GPC5: variants seen among roughly 807,000 people sequenced by gnomAD.
GPC5 encodes glypican 5.
GPC5 carries 47 observed loss-of-function variants against 53.9 expected under a neutral mutation model. That is an observed-to-expected ratio of 0.87 (90% CI 0.69 to 1.11). The LOEUF (loss-of-function observed/expected upper bound fraction) is 1.11, where lower values mean the gene tolerates loss of function less well. GPC5 is among the 50% of genes most tolerant of loss of function. The pLI is 0.00. For synonymous variants in GPC5, 286 were observed against 263.3 expected, an observed-to-expected ratio of 1.09 and a Z score of -0.84; for missense variants, 748 against 713.1, an observed-to-expected ratio of 1.05 and a Z score of -0.56.
chr13:92,391,547 A>G (rs972520946), intron 7 of GPC5, among the ~76,000 whole-genome samples: 1 of 152,226 alleles, frequency 6.6e-6, no homozygotes, highest in Non-Finnish European at 1.5e-5. Context: ...CTTCCCAAGT[A>G]TAATGGAATA....
intron 6 of GPC5, among the ~76,000 whole-genome samples, chr13:92,046,627 T>G (rs1464415309): frequency 6.6e-6 from 1 of 152,224 alleles, no homozygotes; most frequent in African/African-American, 2.4e-5. Flanking sequence ...CTTCTTACTT[T>G]GGTAAAGAGT....
intron 5 of GPC5, among the ~76,000 whole-genome samples, chr13:91,764,212 A>C (rs889711695): frequency 6.6e-6 from 1 of 152,140 alleles, no homozygotes; most frequent in Admixed American, 6.6e-5. Context: ...ACTACGGTTA[A>C]AGCTTAGGGA....
chr13:91,927,964 A>C (rs2039784699), intron 6 of GPC5, among the ~76,000 whole-genome samples: 1 of 152,222 alleles, frequency 6.6e-6, no homozygotes, highest in African/African-American at 2.4e-5. Flanking sequence ...AGGTATCTAA[A>C]ATACATACTC....
intron 1 of GPC5, among the ~76,000 whole-genome samples, chr13:91,431,863 T>G (rs181400893): frequency 2.2e-3 from 332 of 152,336 alleles, no homozygotes; most frequent in African/African-American, 7.6e-3. Flanking sequence ...TGAAGGTTTC[T>G]TTCCATCTCA....
chr13:91,904,162 A>C (rs1277798384), intron 5 of GPC5, among the ~76,000 whole-genome samples: 1 of 28,870 alleles, frequency 3.5e-5, no homozygotes, highest in Non-Finnish European at 6.4e-5. Flanking sequence ...TTTTTTTTTT[A>C]AGGCAGGTCT....
intron 7 of GPC5, chr13:92,719,971 A>G (rs1888458389): frequency 6.6e-6 from 1 of 152,136 alleles, no homozygotes; most frequent in Non-Finnish European, 1.5e-5. Flanking sequence ...AGACACTGAA[A>G]CTGCTGTTAC....
At chr13:92,698,115 G>A (rs1261430014) in intron 7 of GPC5, among the ~76,000 whole-genome samples, 4 of 151,900 alleles carry the variant, frequency 2.6e-5, no homozygotes. Context: ...ATTTTATTGA[G>A]GACTTTCACA....
chr13:92,724,457 A>C (rs1160707720), intron 7 of GPC5, among the ~76,000 whole-genome samples: 1 of 151,628 alleles, frequency 6.6e-6, no homozygotes. Flanking sequence ...CTATTTTACA[A>C]GCCTAAATGT....
chr13:92,730,555 C>T (rs557751469), intron 7 of GPC5, among the ~76,000 whole-genome samples: 5 of 151,170 alleles, frequency 3.3e-5, no homozygotes, highest in South Asian at 2.1e-4. Flanking sequence ...AATTAATCTT[C>T]GTGAAAAATG....
intron 7 of GPC5, among the ~76,000 whole-genome samples, chr13:92,149,244 G>C (rs1334137444): frequency 6.6e-6 from 1 of 151,962 alleles, no homozygotes; most frequent in Non-Finnish European, 1.5e-5. Flanking sequence ...TTGACAACTA[G>C]CCCTTTTCCC....
chr13:91,742,915 A>T (rs143697729), intron 4 of GPC5, among the ~76,000 whole-genome samples: 5 of 152,312 alleles, frequency 3.3e-5, no homozygotes, highest in African/African-American at 1.2e-4. Flanking sequence ...ATAATTTTAT[A>T]GCCATAGACA....
At chr13:92,456,272 G>A (rs1331467821) in intron 7 of GPC5, among the ~76,000 whole-genome samples, 1 of 152,118 alleles carries the variant, frequency 6.6e-6, no homozygotes, top group Admixed American at 6.6e-5. Context: ...AGTTCTCGAA[G>A]GATGCTACAG....
chr13:92,058,824 G>A (rs567817864), intron 6 of GPC5, among the ~76,000 whole-genome samples: 7 of 152,254 alleles, frequency 4.6e-5, no homozygotes, highest in East Asian at 1.9e-4. Flanking sequence ...GATTACTGGC[G>A]TGAACCACCG....
intron 5 of GPC5, among the ~76,000 whole-genome samples, chr13:91,880,750 A>C (rs2039255261): frequency 6.6e-6 from 1 of 152,170 alleles, no homozygotes; most frequent in Admixed American, 6.6e-5. Flanking sequence ...TATAGTCAAA[A>C]GAGATATAAT....
intron 7 of GPC5, among the ~76,000 whole-genome samples, chr13:92,827,349 T>C (rs1376216520): frequency 6.6e-6 from 1 of 152,160 alleles, no homozygotes; most frequent in African/African-American, 2.4e-5. Context: ...CTAATCCTGA[T>C]GACATAGACT....
At chr13:92,611,269 G>A (rs1468770492) in intron 7 of GPC5, among the ~76,000 whole-genome samples, 1 of 152,064 alleles carries the variant, frequency 6.6e-6, no homozygotes, top group African/African-American at 2.4e-5. Flanking sequence ...CTCAGTAAGA[G>A]GTACAAAGAA....
intron 7 of GPC5, among the ~76,000 whole-genome samples, chr13:92,295,435 A>C (rs1012347728): frequency 7.9e-5 from 12 of 152,122 alleles, no homozygotes; most frequent in Non-Finnish European, 1.5e-4. Context: ...TTTGTGTCCT[A>C]TCGTAGGTCT....
chr13:92,312,278 A>G (rs2043150073), intron 7 of GPC5, among the ~76,000 whole-genome samples: 1 of 152,076 alleles, frequency 6.6e-6, no homozygotes, highest in Admixed American at 6.6e-5. Flanking sequence ...AAGATTCAAG[A>G]TGTGTGTGCT....
chr13:91,878,544 G>A (rs1366752382), intron 5 of GPC5, among the ~76,000 whole-genome samples: 1 of 152,088 alleles, frequency 6.6e-6, no homozygotes, highest in Non-Finnish European at 1.5e-5. Flanking sequence ...ATCTTGAATT[G>A]TAGTTCCCAT....
Sources: allele counts gnomAD v4.1 joint callset (sites outside exome capture counted in the v4.1 genomes callset), GRCh38; gene constraint gnomAD v4.1.1; transcripts MANE v1.5; gene names NCBI Gene and HGNC (gene_info 2026-07-23, HGNC 2026-07-21).